The following MYO3A variants were observed in gnomAD, a reference collection of about 807,000 sequenced individuals.
The protein encoded by MYO3A is myosin IIIA.
Under a neutral mutation model 192.7 loss-of-function variants are expected in MYO3A, and 180 were observed. That is an observed-to-expected ratio of 0.93 (90% CI 0.83 to 1.06). The LOEUF (loss-of-function observed/expected upper bound fraction) is 1.06, where lower values mean the gene tolerates loss of function less well. Ranked by LOEUF, MYO3A falls within the 50% of genes least tolerant of loss-of-function variation. The pLI, the probability that MYO3A is intolerant of heterozygous loss-of-function variation, is 0.00. For synonymous variants in MYO3A, 628 were observed against 645.3 expected, an observed-to-expected ratio of 0.97 and a Z score of 0.41; for missense variants, 1,896 against 1,905.0, an observed-to-expected ratio of 1.00 and a Z score of 0.09.
rs184466929 is a variant in MYO3A at position 26,147,539 on chromosome 10, A to G, written c.2615A>G (p.Asn872Ser). The change falls in exon 23 of 35, where the codon AAC becomes AGC. Residue 872 changes from asparagine (N) to serine (S), a missense_variant. By Grantham distance (46) the Asn-to-Ser change is conservative (BLOSUM62 1). Coordinates refer to ENST00000642920, the MANE Select transcript of MYO3A (RefSeq NM_017433.5). ...AACAGTGTAATTAGGCAACTAGTCAACCACCCTCTGACCAAAACAGGTAAG... is the reference window on the plus strand; with the variant it reads ...AACAGTGTAATTAGGCAACTAGTCAGCCACCCTCTGACCAAAACAGGTAAG... Reference protein sequence around the residue: ...SDNSVIRQLVNHPLTKTGNLP... With the variant: ...SDNSVIRQLVSHPLTKTGNLP... 24 of 1,614,038 alleles carry G rather than the reference A, an allele frequency of 1.5e-5. No homozygotes were observed. The African/African-American group carries it at 2.9e-4, about 20-fold the overall frequency.
intron 8 of MYO3A, 72 bp from the exon 9 acceptor site, chr10:26,023,950 A>C (rs768821643): frequency 5.2e-6 from 7 of 1,349,718 alleles, no homozygotes; most frequent in Non-Finnish European, 6.4e-6. Flanking sequence ...GCATTAGTCT[A>C]TCTGGCTCTG....
intron 4 of MYO3A, among the ~76,000 whole-genome samples, chr10:25,996,131 T>A (rs1415464443): frequency 6.6e-6 from 1 of 152,244 alleles, no homozygotes; most frequent in Non-Finnish European, 1.5e-5. Context: ...CAGGCCTCCT[T>A]GAGCTGTGGT....
chr10:25,970,407 T>C (rs1257376848), intron 4 of MYO3A, among the ~76,000 whole-genome samples: 1 of 151,978 alleles, frequency 6.6e-6, no homozygotes, highest in East Asian at 1.9e-4. Context: ...ATAATGGAAA[T>C]GCAACATATC....
At chr10:26,134,479 T>G (rs1448398935) in intron 20 of MYO3A, among the ~76,000 whole-genome samples, 1 of 152,182 alleles carries the variant, frequency 6.6e-6, no homozygotes, top group Admixed American at 6.5e-5. Context: ...TATCACTGTT[T>G]TTTAGAATTT....
chr10:26,048,555 A>G (rs1182781877), intron 10 of MYO3A, among the ~76,000 whole-genome samples: 2 of 150,652 alleles, frequency 1.3e-5, no homozygotes, highest in South Asian at 2.1e-4. Flanking sequence ...ATATATACAT[A>G]TGTGTGTGTG....
chr10:26,050,034 G>GAC (rs1165376102), intron 10 of MYO3A, among the ~76,000 whole-genome samples: 24 of 151,940 alleles, frequency 1.6e-4, no homozygotes, highest in African/African-American at 5.8e-4. Flanking sequence ...CATCAGTTGA[G>GAC]AGTTCTGGTA....
At chr10:26,206,885 A>G (rs1306557939) in intron 34 of MYO3A, among the ~76,000 whole-genome samples, 13 of 152,184 alleles carry the variant, frequency 8.5e-5, no homozygotes, top group Admixed American at 8.5e-4. Context: ...TGTTTTTTAT[A>G]GTAGCCATCC....
At chr10:26,168,548 A>G (rs761197277) in intron 27 of MYO3A, among the ~76,000 whole-genome samples, 164 bp from the exon 28 acceptor site, 52 of 152,364 alleles carry the variant, frequency 3.4e-4, no homozygotes, top group Non-Finnish European at 6.6e-4. Flanking sequence ...TTCTTCAAGC[A>G]TAAAAATCTG....
In MYO3A at chr10:26,199,363, G is replaced by A. The variant is rs191080901; in HGVS notation, c.4546-1902G>A. ...AGCTTAAGAGTTCGAGACCAGCCTG[G>A]GGAACATAGCGAAACCTTGTCTCCA... On this transcript the variant is annotated intron_variant, in intron 32 of 34. Transcript: ENST00000642920. Among the ~76,000 whole-genome samples the A allele has an allele frequency of 4.6e-5, 7 of 152,144 alleles. No homozygotes were observed. In the East Asian group the frequency reaches 1.4e-3, roughly 29 times the overall value.
intron 34 of MYO3A, among the ~76,000 whole-genome samples, chr10:26,206,688 A>G (rs1458069011): frequency 6.6e-6 from 1 of 151,686 alleles, no homozygotes; most frequent in Non-Finnish European, 1.5e-5. Context: ...ACCTCAGGTG[A>G]TCTGCCCACC....
chr10:26,176,161 G>A (rs1842319580), intron 30 of MYO3A, among the ~76,000 whole-genome samples: 1 of 152,178 alleles, frequency 6.6e-6, no homozygotes, highest in South Asian at 2.1e-4. Flanking sequence ...GGGCGTGGTG[G>A]CAGGCACCTG....
chr10:25,945,288 A>G (rs1045285633), intron 2 of MYO3A, among the ~76,000 whole-genome samples: 2 of 152,112 alleles, frequency 1.3e-5, no homozygotes, highest in Non-Finnish European at 2.9e-5. Context: ...GCAGTCAAAC[A>G]CATAGTCTAT....
At chr10:26,132,051 A>T (rs1487504428) in intron 20 of MYO3A, among the ~76,000 whole-genome samples, 1 of 152,200 alleles carries the variant, frequency 6.6e-6, no homozygotes, top group African/African-American at 2.4e-5. Context: ...CCATTTTCTG[A>T]GAGGCTTTTA....
chr10:25,981,289 T>C (rs1288129129), intron 4 of MYO3A, among the ~76,000 whole-genome samples: 2 of 152,050 alleles, frequency 1.3e-5, no homozygotes, highest in East Asian at 1.9e-4. Context: ...CATCACACTA[T>C]ATACAAAAAT....
At chr10:25,996,421 A>G in intron 4 of MYO3A, 69 bp from the exon 5 acceptor site, 1 of 1,329,992 alleles carries the variant, frequency 7.5e-7, no homozygotes, top group Non-Finnish European at 1.1e-6. Context: ...ATGTCTTGGA[A>G]GAACTTTTCT....
At chr10:26,019,217 CTATTTATTTATTTATTTATTTATTTATT>C (rs201592333) in intron 7 of MYO3A, among the ~76,000 whole-genome samples, 11 of 139,554 alleles carry the variant, frequency 7.9e-5, no homozygotes, top group East Asian at 2.1e-4. Flanking sequence ...TCTGGTTATT[CTATTTATTTATTTATTTATTTATTTATT>C]TATTTATTTA....
At chr10:26,132,747 A>C (rs373088165) in intron 20 of MYO3A, among the ~76,000 whole-genome samples, 6 of 152,070 alleles carry the variant, frequency 3.9e-5, no homozygotes, top group African/African-American at 1.2e-4. Context: ...ACATGCATCT[A>C]TGGGTTTGGA....
chr10:26,103,211 G>C (rs1271664318), intron 17 of MYO3A, among the ~76,000 whole-genome samples: 2 of 152,366 alleles, frequency 1.3e-5, no homozygotes, highest in African/African-American at 4.8e-5. Flanking sequence ...TAATCTCCTG[G>C]TGTGCCGTTT....
At position 26,168,790 on chromosome 10, in the gene MYO3A, G is replaced by C. The variant is rs149468017; in HGVS notation, c.3190G>C (p.Ala1064Pro). The change falls in exon 28 of 35, where the codon GCT (alanine) becomes CCT (proline). Residue 1064 changes from alanine (A) to proline (P), a missense_variant. Physicochemically the swap from Ala to Pro is conservative, Grantham distance 27. Coordinates refer to ENST00000642920, the MANE Select transcript of MYO3A (RefSeq NM_017433.5). ...EAIDKLILIQ[A>P]CVRAFLCSRR... ...TATTGACAAGCTTATTTTGATTCAA[G>C]CTTGTGTCAGAGCATTCTTGTGTTC... The C allele has an allele frequency of 1.9e-6, 3 of 1,613,180 alleles. No homozygotes were observed. Among genetic ancestry groups the C allele is most frequent in the Non-Finnish European group, 2.5e-6 (3 of 1,179,740 alleles).
Sources: allele counts gnomAD v4.1 joint callset (sites outside exome capture counted in the v4.1 genomes callset), GRCh38; gene constraint gnomAD v4.1.1; transcripts MANE v1.5; gene names NCBI Gene and HGNC (gene_info 2026-07-23, HGNC 2026-07-21).